TMC1: variants seen among roughly 807,000 people sequenced by gnomAD.
TMC1 encodes the protein transmembrane channel like 1, also known as transmembrane channel-like protein 1.
A neutral mutation model predicts 105.8 loss-of-function variants in TMC1; 84 were observed. That is an observed-to-expected ratio of 0.79 (90% CI 0.67 to 0.95). The LOEUF (loss-of-function observed/expected upper bound fraction) is 0.95. Among genes scored for constraint, TMC1 ranks in the 40% least tolerant of loss-of-function variants. The pLI is 0.00. For missense variants in TMC1, 817 were observed against 914.1 expected (o/e 0.89, Z 1.37); for synonymous variants, 315 against 311.5 (o/e 1.01, Z -0.12).
At position 72,735,320 on chromosome 9, in the gene TMC1, G is replaced by A. The variant is rs150460254; in HGVS notation, c.363-4799G>A. 7.9e-3 allele frequency among the ~76,000 whole-genome samples: 1,207 copies of A among 152,266 alleles called. 44 individuals carry two copies. Among genetic ancestry groups the A allele is most frequent in the Admixed American group, 0.054 (829 of 15,302 alleles). ...GGTTTGAGGCCAACAGATATTCAAA[G>A]TTTATCCACAAAAGCCTATTTCATT... On this transcript the variant is annotated intron_variant, in intron 8 of 23. Transcript: ENST00000297784.
intron 2 of TMC1, among the ~76,000 whole-genome samples, chr9:72,598,173 TC>T: frequency 6.6e-6 from 1 of 151,960 alleles, no homozygotes; most frequent in Non-Finnish European, 1.5e-5. Context: ...ACTTCTGGAG[TC>T]CCCCCACATA....
intron 8 of TMC1, among the ~76,000 whole-genome samples, chr9:72,722,345 A>G (rs572056981): frequency 1.3e-5 from 2 of 152,278 alleles, no homozygotes; most frequent in Non-Finnish European, 2.9e-5. Context: ...TCTTCCCTAT[A>G]GACATGCCAG....
intron 12 of TMC1, among the ~76,000 whole-genome samples, chr9:72,756,988 C>T (rs1827685186): frequency 6.6e-6 from 1 of 152,156 alleles, no homozygotes; most frequent in African/African-American, 2.4e-5. Flanking sequence ...TGACAGCTCT[C>T]TCACATCCAG....
intron 17 of TMC1, among the ~76,000 whole-genome samples, chr9:72,799,204 G>C (rs1014490204): frequency 6.6e-6 from 1 of 151,910 alleles, no homozygotes; most frequent in African/African-American, 2.4e-5. Flanking sequence ...TTGATTTTGG[G>C]GCTTCAGATT....
rs566589476 is a variant in TMC1 at position 72,655,626 on chromosome 9, C to T, written c.16+6962C>T. Among the ~76,000 whole-genome samples the T allele has an allele frequency of 2.0e-5, 3 of 152,000 alleles. No individual in the cohort carries two copies. In the East Asian group the frequency reaches 5.8e-4, roughly 30 times the overall value. Reference sequence around the variant, plus strand: ...GCATGGTGGTGGGCGCCTGTAGTCCCAGCTACTTGTAAGGCTGAGGCAGGA... The same window carrying T: ...GCATGGTGGTGGGCGCCTGTAGTCCTAGCTACTTGTAAGGCTGAGGCAGGA... On this transcript the variant is annotated intron_variant, in intron 5 of 23. Transcript: ENST00000297784.
intron 1 of TMC1, among the ~76,000 whole-genome samples, chr9:72,543,521 G>A (rs1823711759): frequency 6.6e-6 from 1 of 152,106 alleles, no homozygotes; most frequent in Non-Finnish European, 1.5e-5. Flanking sequence ...AGTGGCTCAC[G>A]CCTGTAATCC....
intron 17 of TMC1, among the ~76,000 whole-genome samples, chr9:72,803,890 C>T (rs1828522656): frequency 6.6e-6 from 1 of 152,076 alleles, no homozygotes; most frequent in South Asian, 2.1e-4. Flanking sequence ...GGGTACATAC[C>T]CAAAGGAAAA....
intron 10 of TMC1, among the ~76,000 whole-genome samples, chr9:72,743,970 G>T (rs1827443473): frequency 6.6e-6 from 1 of 152,184 alleles, no homozygotes; most frequent in African/African-American, 2.4e-5. Context: ...TTGGAGGCAG[G>T]TTTTCCTGCT....
chr9:72,660,563 G>A (rs1825956790), intron 5 of TMC1, among the ~76,000 whole-genome samples: 1 of 152,142 alleles, frequency 6.6e-6, no homozygotes, highest in Non-Finnish European at 1.5e-5. Flanking sequence ...TTCTCAGACT[G>A]CACATAGAAG....
intron 1 of TMC1, among the ~76,000 whole-genome samples, chr9:72,540,630 G>A (rs191755261): frequency 2.0e-3 from 307 of 152,130 alleles, no homozygotes; most frequent in African/African-American, 5.6e-3. Flanking sequence ...TCTGCGTCGC[G>A]TGTTGGTAGT....
intron 3 of TMC1, among the ~76,000 whole-genome samples, chr9:72,622,305 C>T (rs922433937): frequency 9.2e-5 from 14 of 152,172 alleles, no homozygotes; most frequent in Non-Finnish European, 1.3e-4. Context: ...CTCTCATCCA[C>T]CAGTGATGAT....
At chr9:72,650,143 C>T (rs12553768) in intron 5 of TMC1, among the ~76,000 whole-genome samples, 36,656 of 152,018 alleles carry the variant, frequency 0.24, 4,758 homozygotes, top group East Asian at 0.38. Flanking sequence ...ATACAGAATC[C>T]CACCACAAAA....
At chr9:72,628,252 TA>T (rs1295940451) in intron 4 of TMC1, 189 bp downstream of exon 4, 1 of 302,726 alleles carries the variant, frequency 3.3e-6, no homozygotes, top group Non-Finnish European at 6.7e-6. Context: ...ATGTGGGACT[TA>T]AAAACAGCTT....
At chr9:72,800,744 T>G (rs991971841) in intron 17 of TMC1, among the ~76,000 whole-genome samples, 1 of 151,894 alleles carries the variant, frequency 6.6e-6, no homozygotes, top group Non-Finnish European at 1.5e-5. Flanking sequence ...TCACCTTCCT[T>G]TCTCCAAGGA....
chr9:72,838,012 C>T lies in TMC1; in HGVS notation c.*2039C>T, dbSNP rs986281985. 2 of 152,082 alleles carry T rather than the reference C, an allele frequency of 1.3e-5. No individual in the cohort carries two copies. The highest frequency in any genetic ancestry group is 2.9e-5 in the Non-Finnish European group (2 of 68,024). The allele number at this position is 152,082 out of a possible 1,614,324, so 9.4% of individuals were successfully genotyped here. On this transcript the variant is annotated 3_prime_UTR_variant, in exon 24 of 24. Transcript: ENST00000297784. ...ATTTTTTGATGCATGGATTATCTTTCTTGTCCTTATTGTAAATTCTCTGTG... is the reference window on the plus strand; with the variant it reads ...ATTTTTTGATGCATGGATTATCTTTTTTGTCCTTATTGTAAATTCTCTGTG...
intron 4 of TMC1, among the ~76,000 whole-genome samples, chr9:72,632,634 A>G (rs1241707866): frequency 6.6e-6 from 1 of 152,220 alleles, no homozygotes; most frequent in African/African-American, 2.4e-5. Context: ...GAAAGATGTA[A>G]TAGAAGCAAA....
intron 4 of TMC1, among the ~76,000 whole-genome samples, chr9:72,638,754 G>A (rs1376856638): frequency 2.0e-5 from 3 of 152,186 alleles, no homozygotes; most frequent in Admixed American, 1.3e-4. Context: ...GATGACTGGC[G>A]AAGGTCACAG....
intron 3 of TMC1, among the ~76,000 whole-genome samples, chr9:72,625,713 A>T (rs1825336373): frequency 6.6e-6 from 1 of 151,368 alleles, no homozygotes; most frequent in Non-Finnish European, 1.5e-5. Flanking sequence ...AAAAAAAAAA[A>T]GGAATCAGGG....
intron 1 of TMC1, among the ~76,000 whole-genome samples, chr9:72,558,444 C>A (rs983113166): frequency 6.6e-6 from 1 of 152,120 alleles, no homozygotes; most frequent in Non-Finnish European, 1.5e-5. Context: ...GAAATTCTGA[C>A]CTGAATTATC....
Sources: allele counts gnomAD v4.1 joint callset (sites outside exome capture counted in the v4.1 genomes callset), GRCh38; gene constraint gnomAD v4.1.1; transcripts MANE v1.5; gene names NCBI Gene and HGNC (gene_info 2026-07-23, HGNC 2026-07-21).